The following CHD2 variants were observed in gnomAD, a reference collection of about 807,000 sequenced individuals.
CHD2 encodes the protein ATP-dependent chromatin remodeler CHD2.
CHD2 carries 28 observed loss-of-function variants against 243.9 expected under a neutral mutation model. The observed-to-expected ratio is 0.11, with a 90% CI of 0.09 to 0.16. CHD2 has a LOEUF of 0.16. Among genes scored for constraint, CHD2 ranks in the 10% least tolerant of loss-of-function variants. CHD2 has a pLI of 1.00. For missense variants in CHD2, 1,386 were observed against 2,209.8 expected (o/e 0.63, Z 7.47); for synonymous variants, 775 against 779.0 (o/e 0.99, Z 0.09).
chr15:92,925,708 C>T (rs1307803425), intron 3 of CHD2, among the ~76,000 whole-genome samples: 1 of 152,120 alleles, frequency 6.6e-6, no homozygotes, highest in Non-Finnish European at 1.5e-5. Context: ...ACTGCCTCTA[C>T]CTATATTTCC....
chr15:92,911,864 A>G (rs2043044779), intron 2 of CHD2, among the ~76,000 whole-genome samples: 6 of 152,244 alleles, frequency 3.9e-5, no homozygotes, highest in Admixed American at 3.3e-4. Flanking sequence ...TTTGCATTTT[A>G]AAGAAGCAGA....
intron 6 of CHD2, 98 bp downstream of exon 6, chr15:92,937,723 C>G: frequency 1.2e-6 from 1 of 846,874 alleles, no homozygotes; most frequent in Non-Finnish European, 1.8e-6. Context: ...TAATGAGATG[C>G]ATTGTGTTTT....
At chr15:93,012,317 C>G in intron 35 of CHD2, 28 bp from the exon 36 acceptor site, 14 of 1,509,718 alleles carry the variant, frequency 9.3e-6, no homozygotes, top group Non-Finnish European at 1.3e-5. Context: ...TTCTATAATT[C>G]ACCAGAACTG....
chr15:92,973,708 T>G (rs1334724512), intron 19 of CHD2, among the ~76,000 whole-genome samples: 2 of 152,226 alleles, frequency 1.3e-5, no homozygotes, highest in Non-Finnish European at 2.9e-5. Context: ...CCCTATGAGC[T>G]TTCATTCCTA....
intron 16 of CHD2, among the ~76,000 whole-genome samples, chr15:92,959,441 C>T (rs1233362874): frequency 6.6e-6 from 1 of 152,106 alleles, no homozygotes; most frequent in Non-Finnish European, 1.5e-5. Flanking sequence ...TATTTCTGTC[C>T]TTCTGCCAAT....
rs2054514401 is a variant in CHD2, at chr15:93,020,063, A to G, written c.4958A>G (p.Asn1653Ser). ...AAGTTCAACTATGGTGGTGGCAACA[A>G]CAATCCACCATGGGGAAGCGACAGG... ...ERKFNYGGGN[N>S]NPPWGSDRHH... Residue 1653 changes from asparagine to serine, a missense_variant, in exon 38 of 39, where the codon AAC becomes AGC. Around this residue, in one of 19 missense-constraint regions of CHD2, gnomAD observed 347 missense variants for 341.6 expected, o/e 1.02. Coordinates refer to ENST00000394196, the MANE Select transcript of CHD2 (RefSeq NM_001271.4). 6.2e-7 allele frequency: 1 copy of G among 1,614,150 alleles called. No individual in the cohort carries two copies. Among genetic ancestry groups the G allele is most frequent in the Non-Finnish European group, 8.5e-7 (1 of 1,180,002 alleles).
At position 93,026,509 on chromosome 15, in the gene CHD2, G is replaced by C. The variant is rs3803566; in HGVS notation, c.*1804G>C. On this transcript the variant is annotated 3_prime_UTR_variant, in exon 39 of 39. Coordinates refer to ENST00000394196, the MANE Select transcript of CHD2 (RefSeq NM_001271.4). ...GTTGAGAGCTCAGTGGACCCACCCCGCTTGCTGAACCCTCACAGTTCTTGG... is the reference window on the plus strand; with the variant it reads ...GTTGAGAGCTCAGTGGACCCACCCCCCTTGCTGAACCCTCACAGTTCTTGG... The C allele has an allele frequency of 3.3e-5, 5 of 152,230 alleles. No homozygotes were observed. Among genetic ancestry groups the C allele is most frequent in the African/African-American group, 4.8e-5 (2 of 41,452 alleles). The allele number at this position is 152,230 out of a possible 1,614,324, so 9.4% of individuals were successfully genotyped here. A position where few individuals can be genotyped will look rare whatever the true frequency, so the allele number is the denominator to read the frequency against.
At chr15:92,982,651 G>A (rs543758180) in intron 24 of CHD2, among the ~76,000 whole-genome samples, 1 of 152,336 alleles carries the variant, frequency 6.6e-6, no homozygotes, top group Admixed American at 6.5e-5. Context: ...TGATGGCTAA[G>A]TGTAGTATGC....
At chr15:92,905,293 G>A (rs1345942724) in intron 2 of CHD2, among the ~76,000 whole-genome samples, 1 of 152,148 alleles carries the variant, frequency 6.6e-6, no homozygotes, top group South Asian at 2.1e-4. Context: ...AAACGGTTGG[G>A]TTTATGCTCA....
chr15:92,973,550 A>G (rs1265806386), intron 19 of CHD2, among the ~76,000 whole-genome samples: 1 of 152,214 alleles, frequency 6.6e-6, no homozygotes, highest in Non-Finnish European at 1.5e-5. Flanking sequence ...CAGATTGATT[A>G]TCTTTCAAAA....
At chr15:92,949,998 A>G (rs1437919895) in intron 13 of CHD2, among the ~76,000 whole-genome samples, 1 of 152,234 alleles carries the variant, frequency 6.6e-6, no homozygotes, top group Non-Finnish European at 1.5e-5. Flanking sequence ...TCCTAAATAG[A>G]TAAACGCGCA....
chr15:93,019,778 T>C (rs545438424), intron 37 of CHD2, among the ~76,000 whole-genome samples: 3 of 151,978 alleles, frequency 2.0e-5, no homozygotes, highest in South Asian at 4.2e-4. Flanking sequence ...TACTAAAAAT[T>C]CAAAAATTGG....
chr15:92,973,390 A>G (rs896003961), intron 19 of CHD2, among the ~76,000 whole-genome samples: 1 of 152,130 alleles, frequency 6.6e-6, no homozygotes, highest in Non-Finnish European at 1.5e-5. Context: ...GTCTCTTGGC[A>G]TGTTTATAGT....
At chr15:92,957,527 T>C (rs2053631356) in intron 16 of CHD2, among the ~76,000 whole-genome samples, 1 of 152,176 alleles carries the variant, frequency 6.6e-6, no homozygotes, top group Non-Finnish European at 1.5e-5. Flanking sequence ...TTAAATTATG[T>C]ATGAAAATCG....
At chr15:92,942,248 T>G (rs1301805772) in intron 8 of CHD2, among the ~76,000 whole-genome samples, 1 of 152,230 alleles carries the variant, frequency 6.6e-6, no homozygotes, top group African/African-American at 2.4e-5. Context: ...ATTTGTTTCT[T>G]AAGCTCCTTG....
chr15:92,937,414 A>C (rs1596390529), intron 5 of CHD2, 104 bp from the exon 6 acceptor site: 1 of 730,780 alleles, frequency 1.4e-6, no homozygotes, highest in East Asian at 2.7e-5. Flanking sequence ...TAAAATGTGC[A>C]TGTTCTGCCC....
Position 92,994,514 on chromosome 15 carries a change from CAA to C in CHD2, c.3595+1518_3595+1519del, listed in dbSNP as rs570907709. 2.8e-3 allele frequency among the ~76,000 whole-genome samples: 418 copies of C among 151,918 alleles called. 8 individuals carry two copies. Among genetic ancestry groups the C allele is most frequent in the Non-Finnish European group, 1.4e-3 (97 of 67,924 alleles). ...AGATAATGTTCTTTTTTGTAAAAGA[CAA>C]ATAACTTGTATGGTTTGCAAAATGA... is the stretch of plus-strand genomic sequence containing the variant. On this transcript the variant is annotated intron_variant, in intron 28 of 38. Coordinates refer to ENST00000394196, the MANE Select transcript of CHD2 (RefSeq NM_001271.4).
intron 33 of CHD2, among the ~76,000 whole-genome samples, chr15:93,003,609 G>T (rs1179418028): frequency 6.6e-6 from 1 of 150,668 alleles, no homozygotes; most frequent in East Asian, 1.9e-4. Context: ...GCCAGGCGGG[G>T]GGAGACGCTG....
chr15:93,019,892 C>T, intron 37 of CHD2, 120 bp from the exon 38 acceptor site: 3 of 1,191,428 alleles, frequency 2.5e-6, no homozygotes, highest in Non-Finnish European at 3.5e-6. Context: ...AAGATCGTGC[C>T]ACTGCACTCC....
Sources: gnomAD v4.1 joint callset for allele counts (sites outside exome capture counted in the v4.1 genomes callset) on GRCh38, gnomAD v4.1.1 for gene constraint, gnomAD v4.1.1 regional missense constraint, MANE v1.5 for transcripts, NCBI Gene and HGNC (gene_info 2026-07-23, HGNC 2026-07-21) for gene names.